Variants in EIF3M observed in about 807,000 individuals in gnomAD.
EIF3M encodes B5 receptor.
A neutral mutation model predicts 49.7 loss-of-function variants in EIF3M; 25 were observed. The observed-to-expected ratio is 0.50, with a 90% CI of 0.37 to 0.70. The LOEUF is 0.70. EIF3M is among the 30% of genes least tolerant of loss of function. EIF3M has a pLI of 0.00. For missense variants in EIF3M, 350 were observed against 440.0 expected (o/e 0.80, Z 1.83); for synonymous variants, 156 against 149.8 (o/e 1.04, Z -0.30).
chr11:32,602,448 T>C lies in EIF3M; in HGVS notation c.*49T>C. The C allele has an allele frequency of 1.3e-6, 2 of 1,581,558 alleles. No homozygotes were observed. Among genetic ancestry groups the C allele is most frequent in the African/African-American group, 1.4e-5 (1 of 73,438 alleles). On this transcript the variant is annotated 3_prime_UTR_variant, in exon 11 of 11. Transcript: ENST00000531120. ...TCTTTGAAAAAAAAGCCCTAAATCA[T>C]AGTAAAACATTATAAACTAAAAAAA... is the stretch of plus-strand genomic sequence containing the variant.
At chr11:32,589,263 G>A (rs1381670714) in intron 4 of EIF3M, 128 bp downstream of exon 4, 31 of 1,386,390 alleles carry the variant, frequency 2.2e-5, no homozygotes, top group Middle Eastern at 2.6e-4. Context: ...CGCAACCTCC[G>A]CCTCCAGGGT....
chr11:32,594,861 T>C, intron 6 of EIF3M, 53 bp from the exon 7 acceptor site: 2 of 1,537,566 alleles, frequency 1.3e-6, no homozygotes, highest in Non-Finnish European at 1.8e-6. Flanking sequence ...AAAAACTCAA[T>C]GAAAAGCCAG....
At chr11:32,589,334 G>A (rs886090071) in intron 4 of EIF3M, among the ~76,000 whole-genome samples, 199 bp downstream of exon 4, 1 of 152,092 alleles carries the variant, frequency 6.6e-6, no homozygotes, top group Non-Finnish European at 1.5e-5. Flanking sequence ...GCGCCACCAC[G>A]CCCGGCTAAT....
chr11:32,602,619 A>G lies in EIF3M; in HGVS notation c.*220A>G, dbSNP rs943748510. 8 of 746,238 alleles carry G rather than the reference A, an allele frequency of 1.1e-5. No homozygotes were observed. Among genetic ancestry groups the G allele is most frequent in the African/African-American group, 8.9e-5 (5 of 56,352 alleles). The allele number at this position is 746,238 out of a possible 1,614,324, so 46.2% of individuals were successfully genotyped here. A position where few individuals can be genotyped will look rare whatever the true frequency, so the allele number is the denominator to read the frequency against. On this transcript the variant is annotated 3_prime_UTR_variant, in exon 11 of 11. Transcript: ENST00000531120. ...TTTAAAAAAGGATATTGAAGAAGCA[A>G]TGAGCACTTTAAAGAAAGGATAATA...
rs1378381693 is a variant in EIF3M at position 32,605,003 on chromosome 11, C to A, written c.*2604C>A. 1 of 152,118 alleles carries A rather than the reference C, an allele frequency of 6.6e-6. No individual in the cohort carries two copies. The highest frequency in any genetic ancestry group is 1.5e-5 in the Non-Finnish European group (1 of 68,086). The allele number at this position is 152,118 out of a possible 1,614,324, so 9.4% of individuals were successfully genotyped here. A position where few individuals can be genotyped will look rare whatever the true frequency, so the allele number is the denominator to read the frequency against. Reference sequence around the variant, plus strand: ...GAGTAGCTGGGATTACAGGCACCCACCACGATGCCCAGCTAATTTTTTGTA... The same window carrying A: ...GAGTAGCTGGGATTACAGGCACCCAACACGATGCCCAGCTAATTTTTTGTA... On this transcript the variant is annotated 3_prime_UTR_variant, in exon 11 of 11. Transcript: ENST00000531120.
Position 32,602,746 on chromosome 11 carries a change from A to T in EIF3M, c.*347A>T, listed in dbSNP as rs1268743747. ...GAGCTTTAAATACAACAGTCATTTTATTCTAGTAAAAACTATACCAGAATT... is the reference window on the plus strand; with the variant it reads ...GAGCTTTAAATACAACAGTCATTTTTTTCTAGTAAAAACTATACCAGAATT... On this transcript the variant is annotated 3_prime_UTR_variant, in exon 11 of 11. Transcript: ENST00000531120. 8.4e-7 allele frequency: 1 copy of T among 1,195,622 alleles called. No individual in the cohort carries two copies. The highest frequency in any genetic ancestry group is 1.2e-6 in the Non-Finnish European group (1 of 863,902). 74.1% of individuals were successfully genotyped at this position (1,195,622 alleles called of 1,614,324 possible).
intron 9 of EIF3M, chr11:32,601,414 A>G (rs189512516): frequency 1.1e-5 from 2 of 177,234 alleles, no homozygotes; most frequent in Admixed American, 5.9e-5. Flanking sequence ...CTAATGCTCT[A>G]AGTTTTCTAT....
In EIF3M at chr11:32,596,751, C is replaced by A. The variant is rs1855186532; in HGVS notation, c.799+704C>A. The stretch of plus-strand genomic sequence containing the variant: ...CAAAACCCCATTTCTACTAAAAATA[C>A]AAAAATTAGTGGGCATGGTGGCACA... On this transcript the variant is annotated intron_variant, in intron 8 of 10. Transcript: ENST00000531120. 1.3e-5 allele frequency among the ~76,000 whole-genome samples: 2 copies of A among 151,838 alleles called. 1 individual carries two copies. The highest frequency in any genetic ancestry group is 4.1e-4 in the South Asian group (2 of 4,822).
intron 5 of EIF3M, chr11:32,591,974 A>G (rs1005871706): frequency 3.9e-6 from 1 of 258,654 alleles, no homozygotes; most frequent in African/African-American, 2.3e-5. Context: ...TGTAACCATC[A>G]TATCCTCCAC....
intron 9 of EIF3M, 180 bp from the exon 10 acceptor site, chr11:32,601,582 A>T: frequency 1.9e-6 from 1 of 520,544 alleles, no homozygotes; most frequent in Non-Finnish European, 3.4e-6. Flanking sequence ...GCCATAGGAC[A>T]AATGCATGAC....
In EIF3M at chr11:32,602,501, C is replaced by A; in HGVS notation, c.*102C>A. The A allele has an allele frequency of 7.5e-7, 1 of 1,330,926 alleles. No homozygotes were observed. 82.4% of individuals were successfully genotyped at this position (1,330,926 alleles called of 1,614,324 possible). On this transcript the variant is annotated 3_prime_UTR_variant, in exon 11 of 11. Coordinates refer to ENST00000531120, the MANE Select transcript of EIF3M (RefSeq NM_006360.6). ...TGCCTAGTCTGGACAGTTATTGTCT[C>A]AAATTTATACTAAAATCACAAACTC...
At chr11:32,585,092 C>G (rs901904797) in intron 1 of EIF3M, among the ~76,000 whole-genome samples, 1 of 152,086 alleles carries the variant, frequency 6.6e-6, no homozygotes, top group South Asian at 2.1e-4. Flanking sequence ...CCCCCTCTCT[C>G]CTCCCCCCGC....
At chr11:32,596,376 G>C (rs1395733234) in intron 8 of EIF3M, among the ~76,000 whole-genome samples, 1 of 151,874 alleles carries the variant, frequency 6.6e-6, no homozygotes, top group East Asian at 1.9e-4. Flanking sequence ...CGGATCACGA[G>C]GTCAGGAGGT....
chr11:32,584,648 C>G (rs1315437776), intron 1 of EIF3M, among the ~76,000 whole-genome samples: 3 of 145,864 alleles, frequency 2.1e-5, no homozygotes, highest in African/African-American at 7.5e-5. Flanking sequence ...GCCCGTATTA[C>G]TGTGCGATCA....
chr11:32,586,446 A>G (rs1358282334), intron 1 of EIF3M, among the ~76,000 whole-genome samples: 5 of 152,226 alleles, frequency 3.3e-5, no homozygotes, highest in Admixed American at 3.3e-4. Context: ...GTTACATAAC[A>G]GATCCAGTTC....
At position 32,596,158 on chromosome 11, in the gene EIF3M, C is replaced by G. The variant is rs1205711781; in HGVS notation, c.799+111C>G. The G allele has an allele frequency of 7.6e-6, 6 of 789,140 alleles. No individual in the cohort carries two copies. In the African/African-American group the frequency reaches 1.1e-4, roughly 14 times the overall value. 48.9% of individuals were successfully genotyped at this position (789,140 alleles called of 1,614,324 possible). A position where few individuals can be genotyped will look rare whatever the true frequency, so the allele number is the denominator to read the frequency against. On this transcript the variant is annotated intron_variant, in intron 8 of 10. Transcript: ENST00000531120. ...GCTGTGGCCTTATTTGTAGATTATC[C>G]TAAAAGGAGTCGTGTATGATAGAAC...
chr11:32,593,770 A>G, intron 5 of EIF3M, 96 bp from the exon 6 acceptor site: 1 of 768,952 alleles, frequency 1.3e-6, no homozygotes, highest in Non-Finnish European at 1.9e-6. Flanking sequence ...AGTCACCGTT[A>G]TAATGTCATC....
intron 8 of EIF3M, among the ~76,000 whole-genome samples, chr11:32,597,340 C>T (rs1299327685): frequency 7.1e-6 from 1 of 140,972 alleles, no homozygotes; most frequent in East Asian, 1.9e-4. Context: ...AGTTTTTTCC[C>T]CCCTACTATA....
chr11:32,602,241 AG>A, intron 10 of EIF3M, 37 bp from the exon 11 acceptor site: 1 of 1,594,412 alleles, frequency 6.3e-7, no homozygotes, highest in Non-Finnish European at 8.5e-7. Flanking sequence ...AGAGGCTAAA[AG>A]GTTGACTAAC....
Sources: allele counts gnomAD v4.1 joint callset (sites outside exome capture counted in the v4.1 genomes callset), GRCh38; gene constraint gnomAD v4.1.1; transcripts MANE v1.5; gene names NCBI Gene and HGNC (gene_info 2026-07-23, HGNC 2026-07-21).